Variants in TRAF3 observed in about 807,000 individuals in gnomAD.
TRAF3 encodes the protein TNF receptor-associated factor 3.
TRAF3 carries 13 observed loss-of-function variants against 62.3 expected under a neutral mutation model. The ratio of observed to expected loss-of-function variants is 0.21; its 90% confidence interval spans 0.14 to 0.33. TRAF3 has a LOEUF of 0.33. TRAF3 is among the 10% of genes least tolerant of loss of function. The pLI, the probability that TRAF3 is intolerant of heterozygous loss-of-function variation, is 1.00. For missense variants in TRAF3, 440 were observed against 741.8 expected, an observed-to-expected ratio of 0.59 and a Z score of 4.73; for synonymous variants, 269 against 283.4, an observed-to-expected ratio of 0.95 and a Z score of 0.51.
rs374179123 is a variant in TRAF3 at position 102,893,111 on chromosome 14, G to A, written c.819+1694G>A. ...CATTTTAAGGATAGGCTTTGTGGCC[G>A]GGCATGGTGGCTCATGCCTGTAATC... is the stretch of plus-strand genomic sequence containing the variant. On this transcript the variant is annotated intron_variant, in intron 9 of 11. Transcript: ENST00000392745. Among the ~76,000 whole-genome samples the A allele has an allele frequency of 1.8e-4, 28 of 152,168 alleles. No individual in the cohort carries two copies. In the East Asian group the frequency reaches 4.8e-3, roughly 26 times the overall value.
At chr14:102,831,907 C>G (rs1900715548) in intron 2 of TRAF3, among the ~76,000 whole-genome samples, 1 of 152,036 alleles carries the variant, frequency 6.6e-6, no homozygotes, top group South Asian at 2.1e-4. Flanking sequence ...AAGTTTTGTT[C>G]ATAATAGTAA....
intron 6 of TRAF3, among the ~76,000 whole-genome samples, chr14:102,884,375 T>C (rs1407613734): frequency 6.6e-6 from 1 of 152,204 alleles, no homozygotes; most frequent in Non-Finnish European, 1.5e-5. Context: ...CCAAATAAGG[T>C]CACATTCTGA....
At chr14:102,847,940 G>C (rs1364872852) in intron 2 of TRAF3, among the ~76,000 whole-genome samples, 1 of 152,078 alleles carries the variant, frequency 6.6e-6, no homozygotes, top group African/African-American at 2.4e-5. Context: ...CCAGGAATGA[G>C]TGAATAAGTT....
Position 102,906,861 on chromosome 14 carries a change from A to G in TRAF3, c.*1077A>G, listed in dbSNP as rs1482724422. 1 of 152,232 alleles carries G rather than the reference A, an allele frequency of 6.6e-6. No individual in the cohort carries two copies. The highest frequency in any genetic ancestry group is 1.5e-5 in the Non-Finnish European group (1 of 68,040). The allele number at this position is 152,232 out of a possible 1,614,324, so 9.4% of individuals were successfully genotyped here. The stretch of plus-strand genomic sequence containing the variant: ...TGCTGCATGCCGTCAACGGTCTCCG[A>G]AAGCAACGTTGTGCGTAGAGCTGGT... On this transcript the variant is annotated 3_prime_UTR_variant, in exon 12 of 12. Transcript: ENST00000392745.
At chr14:102,902,231 G>A (rs528165900) in intron 10 of TRAF3, among the ~76,000 whole-genome samples, 2 of 152,242 alleles carry the variant, frequency 1.3e-5, no homozygotes, top group African/African-American at 2.4e-5. Flanking sequence ...TGCCTCCCTC[G>A]CTGGGGCCTG....
In TRAF3 at chr14:102,864,326, T is replaced by A. The variant is rs564306260; in HGVS notation, c.-17-5859T>A. Among the ~76,000 whole-genome samples the A allele has an allele frequency of 9.0e-3, 1,368 of 151,900 alleles. 7 individuals carry two copies. Among genetic ancestry groups the A allele is most frequent in the Non-Finnish European group, 0.014 (938 of 67,906 alleles). On this transcript the variant is annotated intron_variant, in intron 2 of 11. Coordinates refer to ENST00000392745, the MANE Select transcript of TRAF3 (RefSeq NM_145725.3). ...ACCACGCCCGGCTAATTTTTTGTAT[T>A]TTTAGTAGAGATGGGGTTTCACCGT...
In TRAF3 at chr14:102,843,671, G is replaced by A. The variant is rs148830814; in HGVS notation, c.-18+13199G>A. Among the ~76,000 whole-genome samples the A allele has an allele frequency of 4.0e-3, 605 of 152,296 alleles. 7 individuals carry two copies. Among genetic ancestry groups the A allele is most frequent in the African/African-American group, 0.014 (563 of 41,572 alleles). ...TCAGTTTCCATCTGGGGCCAGGCAT[G>A]GTGTCTCACACCTGTAATCGCAGCA... On this transcript the variant is annotated intron_variant, in intron 2 of 11. Coordinates refer to ENST00000392745, the MANE Select transcript of TRAF3 (RefSeq NM_145725.3).
At position 102,871,986 on chromosome 14, in the gene TRAF3, T is replaced by G; in HGVS notation, c.297+18T>G. 6.2e-7 allele frequency: 1 copy of G among 1,613,310 alleles called. No individual in the cohort carries two copies. The highest frequency in any genetic ancestry group is 1.6e-4 in the Middle Eastern group (1 of 6,062). ...AAGATAAGGTATTCTGGGGTTTTTTTTAATCATTTTGTCACATGTTTTCAG... is the reference window on the plus strand; with the variant it reads ...AAGATAAGGTATTCTGGGGTTTTTTGTAATCATTTTGTCACATGTTTTCAG... On this transcript the variant is annotated intron_variant, in intron 4 of 11. Transcript: ENST00000392745.
intron 6 of TRAF3, among the ~76,000 whole-genome samples, chr14:102,877,813 C>T (rs1347316617): frequency 6.7e-6 from 1 of 149,832 alleles, no homozygotes; most frequent in Non-Finnish European, 1.5e-5. Flanking sequence ...CCGCTCAGCT[C>T]ATAGGTAATC....
intron 1 of TRAF3, among the ~76,000 whole-genome samples, chr14:102,777,943 G>A (rs912216910): frequency 6.0e-5 from 9 of 149,996 alleles, no homozygotes; most frequent in Non-Finnish European, 1.3e-4. Context: ...GGGGCCCGAG[G>A]GGGCCGGGGC....
chr14:102,825,070 C>T (rs1010983172), intron 1 of TRAF3, among the ~76,000 whole-genome samples: 3 of 152,164 alleles, frequency 2.0e-5, no homozygotes, highest in Non-Finnish European at 2.9e-5. Flanking sequence ...AAGGAGTGAG[C>T]GGTTGGTTAG....
intron 1 of TRAF3, among the ~76,000 whole-genome samples, chr14:102,810,234 T>A (rs1409496408): frequency 1.3e-5 from 2 of 152,076 alleles, no homozygotes; most frequent in Non-Finnish European, 2.9e-5. Context: ...AGAATTTTGA[T>A]CTTGAGGGGA....
Position 102,903,016 on chromosome 14 carries a change from T to C in TRAF3, c.961-239T>C. On this transcript the variant is annotated intron_variant, in intron 10 of 11. Transcript: ENST00000392745. This position sits in a 1 kb window ranked among gnomAD's most constrained non-coding sequence, Gnocchi z 6.4. ...GACTTAGTGGAGCCTCCTGTTGTTT[T>C]CTTCCATGTGGCTTCATGTCACCTC... 1.7e-6 allele frequency: 1 copy of C among 587,986 alleles called. No homozygotes were observed. Among genetic ancestry groups the C allele is most frequent in the Non-Finnish European group, 3.1e-6 (1 of 327,328 alleles). 36.4% of individuals were successfully genotyped at this position (587,986 alleles called of 1,614,324 possible). A position where few individuals can be genotyped will look rare whatever the true frequency, so the allele number is the denominator to read the frequency against.
intron 1 of TRAF3, among the ~76,000 whole-genome samples, chr14:102,782,393 C>A (rs112005066): frequency 0.011 from 1,695 of 151,818 alleles, 37 homozygotes; most frequent in African/African-American, 0.039. Context: ...GCCCCCATTC[C>A]CAGCTAATTT....
In TRAF3 at chr14:102,838,986, C is replaced by T. The variant is rs78213265; in HGVS notation, c.-18+8514C>T. Reference sequence around the variant, plus strand: ...CGGTACTTTTGAAAACATTTTCCTGCACCTGTGCCTTCTATGAAATGAACG... The same window carrying T: ...CGGTACTTTTGAAAACATTTTCCTGTACCTGTGCCTTCTATGAAATGAACG... On this transcript the variant is annotated intron_variant, in intron 2 of 11. Coordinates refer to ENST00000392745, the MANE Select transcript of TRAF3 (RefSeq NM_145725.3). Among the ~76,000 whole-genome samples, 896 of 152,146 alleles carry T rather than the reference C, an allele frequency of 5.9e-3. 8 individuals carry two copies. Among genetic ancestry groups the T allele is most frequent in the African/African-American group, 0.021 (865 of 41,482 alleles).
intron 2 of TRAF3, among the ~76,000 whole-genome samples, chr14:102,859,151 T>G (rs1384323357): frequency 6.6e-6 from 1 of 151,776 alleles, no homozygotes; most frequent in African/African-American, 2.4e-5. Context: ...ACCTTCAGCT[T>G]TATCCTAACT....
At chr14:102,875,496 C>A in intron 4 of TRAF3, 128 bp from the exon 5 acceptor site, 1 of 728,670 alleles carries the variant, frequency 1.4e-6, no homozygotes, top group Non-Finnish European at 2.3e-6. Flanking sequence ...GTCCTTAATG[C>A]TTTCTGAAGT....
chr14:102,865,411 G>C (rs867596832), intron 2 of TRAF3, among the ~76,000 whole-genome samples: 2 of 151,906 alleles, frequency 1.3e-5, no homozygotes, highest in Non-Finnish European at 2.9e-5. Context: ...TTTTGACATT[G>C]CTTCTGTGAT....
chr14:102,896,149 C>T (rs1228259993), intron 9 of TRAF3, among the ~76,000 whole-genome samples: 10 of 152,120 alleles, frequency 6.6e-5, no homozygotes, highest in Admixed American at 6.5e-4. Flanking sequence ...TTAACATATC[C>T]ATCACATCAC....
Sources: allele counts gnomAD v4.1 joint callset (sites outside exome capture counted in the v4.1 genomes callset), GRCh38; gene constraint gnomAD v4.1.1; non-coding constraint Gnocchi (gnomAD v3.1); transcripts MANE v1.5; gene names NCBI Gene and HGNC (gene_info 2026-07-23, HGNC 2026-07-21).